The following DPYD variants were observed in gnomAD, a reference collection of about 807,000 sequenced individuals.
The protein encoded by DPYD is dihydropyrimidine dehydrogenase, also known as dihydropyrimidine dehydrogenase [NADP(+)].
Under a neutral mutation model 116.2 loss-of-function variants are expected in DPYD, and 109 were observed. The observed-to-expected ratio is 0.94, with a 90% CI of 0.80 to 1.10. DPYD has a LOEUF of 1.10. Among genes scored for constraint, DPYD ranks in the 50% least tolerant of loss-of-function variants. DPYD has a pLI of 0.00. For missense variants in DPYD, 1,302 were observed against 1,254.5 expected, an observed-to-expected ratio of 1.04 and a Z score of -0.57; for synonymous variants, 440 against 432.0, an observed-to-expected ratio of 1.02 and a Z score of -0.23.
intron 1 of DPYD, among the ~76,000 whole-genome samples, chr1:97,902,835 C>T (rs1673431509): frequency 6.6e-6 from 1 of 151,774 alleles, no homozygotes; most frequent in Non-Finnish European, 1.5e-5. Context: ...GAGCATACCA[C>T]TAGAAAACAA....
chr1:97,880,044 A>T (rs542089579), intron 2 of DPYD, among the ~76,000 whole-genome samples: 6 of 151,802 alleles, frequency 4.0e-5, no homozygotes, highest in Admixed American at 3.9e-4. Context: ...ATAGAGAGAG[A>T]TATATGTATA....
intron 4 of DPYD, among the ~76,000 whole-genome samples, chr1:97,730,062 G>T (rs565042331): frequency 9.2e-5 from 14 of 152,134 alleles, no homozygotes; most frequent in South Asian, 6.2e-4. Flanking sequence ...GCCTTTTGAT[G>T]ATTGTGTTTG....
intron 1 of DPYD, among the ~76,000 whole-genome samples, chr1:97,892,639 G>A (rs756251560): frequency 2.6e-5 from 4 of 151,716 alleles, no homozygotes; most frequent in Non-Finnish European, 4.4e-5. Flanking sequence ...TTTTTTAAAT[G>A]TACTTCCATT....
intron 19 of DPYD, among the ~76,000 whole-genome samples, chr1:97,224,999 G>GTCTATCTATCTA (rs1553236797): frequency 7.0e-6 from 1 of 142,248 alleles, no homozygotes; most frequent in Non-Finnish European, 1.5e-5. Context: ...CTATCTGTCT[G>GTCTATCTATCTA]TCTGTCTATC....
intron 20 of DPYD, among the ~76,000 whole-genome samples, chr1:97,119,592 T>G (rs911224404): frequency 1.3e-5 from 2 of 152,150 alleles, no homozygotes; most frequent in Non-Finnish European, 2.9e-5. Context: ...CTGGCATGAA[T>G]GTGCAACTGC....
intron 14 of DPYD, among the ~76,000 whole-genome samples, chr1:97,441,908 G>C (rs781221706): frequency 9.2e-5 from 14 of 151,980 alleles, no homozygotes; most frequent in Non-Finnish European, 1.6e-4. Flanking sequence ...GCTCAGCCTG[G>C]GGCTAATTAT....
chr1:97,707,444 T>TC (rs1662038954), intron 5 of DPYD, among the ~76,000 whole-genome samples: 1 of 67,088 alleles, frequency 1.5e-5, no homozygotes, highest in South Asian at 6.8e-4. Flanking sequence ...CCCTCCCCCC[T>TC]CCCCCCACCC....
chr1:97,332,742 T>C (rs35691382), intron 16 of DPYD, among the ~76,000 whole-genome samples: 2,336 of 152,338 alleles, frequency 0.015, 37 homozygotes, highest in South Asian at 0.024. Flanking sequence ...AATTCTTTAT[T>C]ATTGTTGATG....
intron 16 of DPYD, among the ~76,000 whole-genome samples, chr1:97,323,540 C>A (rs1393559591): frequency 2.7e-5 from 3 of 110,602 alleles, no homozygotes. Context: ...ATATACATAT[C>A]ATATATATAC....
chr1:97,525,856 G>GTAATT (rs1649025629), intron 12 of DPYD, among the ~76,000 whole-genome samples: 1 of 147,372 alleles, frequency 6.8e-6, no homozygotes, highest in Non-Finnish European at 1.5e-5. Context: ...ATTGCCCTGG[G>GTAATT]TAATTAAGAG....
chr1:97,691,592 G>A (rs998376239), intron 7 of DPYD, 125 bp downstream of exon 7: 48 of 820,858 alleles, frequency 5.8e-5, no homozygotes, highest in Middle Eastern at 6.8e-4. Context: ...GCATCTTTCT[G>A]CTTCTGCCTG....
At chr1:97,759,365 T>G (rs2101122483) in intron 3 of DPYD, among the ~76,000 whole-genome samples, 1 of 152,298 alleles carries the variant, frequency 6.6e-6, no homozygotes, top group African/African-American at 2.4e-5. Flanking sequence ...CCTTGGCTTT[T>G]GAGTCTTTAC....
chr1:97,245,143 A>T (rs1217728162), intron 18 of DPYD, among the ~76,000 whole-genome samples: 1 of 152,122 alleles, frequency 6.6e-6, no homozygotes. Flanking sequence ...TCCTCACGAC[A>T]TCATTACAAG....
At chr1:97,526,155 T>C (rs1649073524) in intron 12 of DPYD, among the ~76,000 whole-genome samples, 1 of 152,158 alleles carries the variant, frequency 6.6e-6, no homozygotes, top group African/African-American at 2.4e-5. Flanking sequence ...TGGTGGGAAG[T>C]AATGAATTGG....
intron 20 of DPYD, among the ~76,000 whole-genome samples, chr1:97,112,657 T>A (rs1215834872): frequency 6.6e-6 from 1 of 152,230 alleles, no homozygotes; most frequent in East Asian, 1.9e-4. Flanking sequence ...TTAAGTTAAG[T>A]ACCTGCTTTC....
At chr1:97,687,664 G>A (rs1356391696) in intron 7 of DPYD, among the ~76,000 whole-genome samples, 9 of 152,076 alleles carry the variant, frequency 5.9e-5, no homozygotes, top group Non-Finnish European at 1.2e-4. Flanking sequence ...CTGTTATAAA[G>A]ATACATGCAG....
intron 18 of DPYD, among the ~76,000 whole-genome samples, chr1:97,300,156 G>T (rs1225457747): frequency 6.6e-6 from 1 of 151,994 alleles, no homozygotes; most frequent in Non-Finnish European, 1.5e-5. Flanking sequence ...TTTTACATAG[G>T]TGAATAACAG....
intron 14 of DPYD, among the ~76,000 whole-genome samples, chr1:97,446,851 A>G (rs1676112407): frequency 6.6e-6 from 1 of 152,164 alleles, no homozygotes; most frequent in South Asian, 2.1e-4. Flanking sequence ...ACATTTAATA[A>G]TAAGCATTAC....
chr1:97,122,242 C>A (rs1008401824), intron 20 of DPYD, among the ~76,000 whole-genome samples: 1 of 152,114 alleles, frequency 6.6e-6, no homozygotes, highest in African/African-American at 2.4e-5. Context: ...CTGGGTTTTA[C>A]ATGTTGTATT....
Sources: allele counts gnomAD v4.1 joint callset (sites outside exome capture counted in the v4.1 genomes callset), GRCh38; gene constraint gnomAD v4.1.1; transcripts MANE v1.5; gene names NCBI Gene and HGNC (gene_info 2026-07-23, HGNC 2026-07-21).